The following WNK3 variants were observed in gnomAD, a reference collection of about 807,000 sequenced individuals.
The protein encoded by WNK3 is serine/threonine-protein kinase WNK3.
In WNK3, 18 loss-of-function variants were observed where a neutral mutation model predicts 116.7. The observed-to-expected ratio is 0.15, with a 90% CI of 0.11 to 0.23. The LOEUF (loss-of-function observed/expected upper bound fraction) is 0.23, where lower values mean the gene tolerates loss of function less well. Among genes scored for constraint, WNK3 ranks in the 10% least tolerant of loss-of-function variants. The pLI, the probability that WNK3 is intolerant of heterozygous loss-of-function variation, is 1.00. For missense variants in WNK3, 993 were observed against 1,323.8 expected (o/e 0.75, Z 3.88); for synonymous variants, 404 against 469.4 (o/e 0.86, Z 1.80).
chrX:54,282,948 G>A (rs186848083), intron 10 of WNK3, among the ~76,000 whole-genome samples: 22 of 111,690 alleles, frequency 2.0e-4, no homozygotes, highest in South Asian at 1.1e-3. Context: ...ACAAAGTAAC[G>A]AAAGAAAACA....
intron 2 of WNK3, among the ~76,000 whole-genome samples, chrX:54,320,963 C>T (rs1199780592): frequency 2.0e-4 from 22 of 110,396 alleles, no homozygotes; most frequent in Non-Finnish European, 3.6e-4. Context: ...ATGGCATGAT[C>T]TGGGCTCACC....
intron 5 of WNK3, among the ~76,000 whole-genome samples, chrX:54,306,593 A>G (rs2068828006): frequency 9.0e-6 from 1 of 111,110 alleles, no homozygotes; most frequent in Non-Finnish European, 1.9e-5. Flanking sequence ...AAAAAAGATG[A>G]CCTCATAGAA....
At chrX:54,203,971 A>G (rs1557142199) in intron 22 of WNK3, among the ~76,000 whole-genome samples, 2 of 111,119 alleles carry the variant, frequency 1.8e-5, no homozygotes, top group African/African-American at 3.3e-5. Flanking sequence ...ATACAATAAA[A>G]TAAATGCCAA....
intron 22 of WNK3, among the ~76,000 whole-genome samples, chrX:54,220,641 G>C (rs1354215907): frequency 9.0e-6 from 1 of 111,552 alleles, no homozygotes; most frequent in Non-Finnish European, 1.9e-5. Context: ...TTACAAGAAT[G>C]ATTTTGCCTT....
At chrX:54,281,440 C>T (rs2068514353) in intron 10 of WNK3, among the ~76,000 whole-genome samples, 1 of 111,348 alleles carries the variant, frequency 9.0e-6, no homozygotes, top group Non-Finnish European at 1.9e-5. Context: ...GCCAAGATTG[C>T]ACCCCTGCAC....
At chrX:54,249,210 T>C in exon 17 of WNK3, 1 of 1,211,858 alleles carries the variant, frequency 8.3e-7, no homozygotes. Context: ...CTGGCTGCTG[T>C]ACTGATAAGG....
chrX:54,315,838 G>A (rs1028823507), intron 2 of WNK3, among the ~76,000 whole-genome samples: 6 of 111,708 alleles, frequency 5.4e-5, no homozygotes, highest in African/African-American at 2.0e-4. Context: ...AGTCCCATGA[G>A]TGATGGAGCT....
chrX:54,301,423 G>T (rs137874504), intron 6 of WNK3, among the ~76,000 whole-genome samples: 1,276 of 110,429 alleles, frequency 0.012, 22 homozygotes, highest in East Asian at 0.086. Flanking sequence ...TGACACTAAA[G>T]ATATAGAATC....
chrX:54,239,202 T>TAA, intron 17 of WNK3, 103 bp from the exon 18 acceptor site: 5 of 524,020 alleles, frequency 9.5e-6, no homozygotes, highest in Non-Finnish European at 1.4e-5. Flanking sequence ...GGTGAAGCTT[T>TAA]TAAAAAAAAA....
chrX:54,313,440 C>G (rs1362571079), intron 2 of WNK3, among the ~76,000 whole-genome samples: 1 of 108,949 alleles, frequency 9.2e-6, no homozygotes, highest in Admixed American at 9.9e-5. Flanking sequence ...CAACCTCCGT[C>G]TCCCGGGTTC....
At chrX:54,267,478 G>A (rs2068326751) in intron 10 of WNK3, among the ~76,000 whole-genome samples, 1 of 110,460 alleles carries the variant, frequency 9.1e-6, no homozygotes. Flanking sequence ...ATGAGAGAAA[G>A]CAAAGAATAA....
At chrX:54,348,048 T>C (rs1225047107) in intron 1 of WNK3, among the ~76,000 whole-genome samples, 1 of 111,396 alleles carries the variant, frequency 9.0e-6, no homozygotes, top group Non-Finnish European at 1.9e-5. Flanking sequence ...TTTCAGTACA[T>C]ATAAGTTTCT....
At chrX:54,237,055 G>A in exon 20 of WNK3, 1 of 1,212,118 alleles carries the variant, frequency 8.3e-7, no homozygotes, top group Non-Finnish European at 1.1e-6. Context: ...TTGAGCATAA[G>A]CTTGTTCTTC....
chrX:54,335,253 AAACAAC>A (rs781831486), intron 1 of WNK3, among the ~76,000 whole-genome samples: 1 of 111,317 alleles, frequency 9.0e-6, no homozygotes, highest in African/African-American at 3.3e-5. Context: ...TCAAAAAACA[AAACAAC>A]AACAACAACA....
chrX:54,267,957 AACGTCAT>A (rs1395918900), intron 10 of WNK3, among the ~76,000 whole-genome samples: 3 of 110,638 alleles, frequency 2.7e-5, no homozygotes, highest in Non-Finnish European at 5.7e-5. Flanking sequence ...CTTAATTTGA[AACGTCAT>A]TATACAACCA....
At chrX:54,218,756 C>T (rs934565326) in intron 22 of WNK3, among the ~76,000 whole-genome samples, 1 of 109,018 alleles carries the variant, frequency 9.2e-6, no homozygotes, top group Non-Finnish European at 1.9e-5. Context: ...TGGTGGTGCG[C>T]GTCTGTAATC....
chrX:54,299,252 T>C (rs1557166977), intron 6 of WNK3, among the ~76,000 whole-genome samples: 1 of 111,252 alleles, frequency 9.0e-6, no homozygotes, highest in Non-Finnish European at 1.9e-5. Flanking sequence ...ACAGAAAAAG[T>C]ATATACACAG....
intron 22 of WNK3, among the ~76,000 whole-genome samples, chrX:54,222,559 A>G (rs1277021820): frequency 9.4e-6 from 1 of 106,453 alleles, no homozygotes; most frequent in Non-Finnish European, 1.9e-5. Context: ...ACCCTGTCTC[A>G]AAAAAAAGAA....
intron 2 of WNK3, among the ~76,000 whole-genome samples, chrX:54,326,887 G>A (rs782240205): frequency 9.1e-6 from 1 of 110,137 alleles, no homozygotes; most frequent in South Asian, 3.9e-4. Flanking sequence ...TCGGGAGGCT[G>A]AGACAGAAGA....
Sources: gnomAD v4.1 joint callset for allele counts (sites outside exome capture counted in the v4.1 genomes callset) on GRCh38, gnomAD v4.1.1 for gene constraint, MANE v1.5 for transcripts, NCBI Gene and HGNC (gene_info 2026-07-23, HGNC 2026-07-21) for gene names.